Variants in UBP1 observed in about 807,000 individuals in gnomAD.
UBP1 encodes the protein upstream-binding protein 1.
Under a neutral mutation model 76.1 loss-of-function variants are expected in UBP1, and 22 were observed. That is an observed-to-expected ratio of 0.29 (90% confidence interval 0.21 to 0.41). UBP1 has a LOEUF of 0.41. Among genes scored for constraint, UBP1 ranks in the 10% least tolerant of loss-of-function variants. The pLI, the probability that UBP1 is intolerant of heterozygous loss-of-function variation, is 1.00. For synonymous variants in UBP1, 224 were observed against 237.1 expected (o/e 0.94, Z 0.51); for missense variants, 436 against 668.1 (o/e 0.65, Z 3.83).
Position 33,408,758 on chromosome 3 carries a change from CA to C in UBP1, c.858del (p.His286GlnfsTer36). On this transcript the variant is annotated frameshift_variant, in exon 8 of 16. Coordinates refer to ENST00000283629, the MANE Select transcript of UBP1 (RefSeq NM_014517.5). LOFTEE classifies it high-confidence loss of function. Reference protein sequence around the residue: ...LEPIIEDAVEHEQKKSSKRTL... With the variant: ...LEPIIEDAVEXEQKKSSKRTL... ...GTCCGCTTGCTGGACTTTTTCTGCTCATGTTCAACTGCATCTTCAATTATAG... is the reference window on the plus strand; with the variant it reads ...GTCCGCTTGCTGGACTTTTTCTGCTCTGTTCAACTGCATCTTCAATTATAG... 1 of 1,613,990 alleles carries C rather than the reference CA, an allele frequency of 6.2e-7. No homozygotes were observed. The highest frequency in any genetic ancestry group is 8.5e-7 in the Non-Finnish European group (1 of 1,179,958).
chr3:33,407,939 A>T (rs1248555478), intron 8 of UBP1, among the ~76,000 whole-genome samples: 4 of 152,264 alleles, frequency 2.6e-5, no homozygotes, highest in Non-Finnish European at 5.9e-5. Flanking sequence ...ATAGATGAAG[A>T]GTCATGTCAT....
chr3:33,395,612 A>G lies in UBP1; in HGVS notation c.1390+550T>C, dbSNP rs751337262. 1.2e-3 allele frequency among the ~76,000 whole-genome samples: 189 copies of G among 152,122 alleles called. 6 individuals carry two copies. The highest frequency in any genetic ancestry group is 6.5e-4 in the Admixed American group (10 of 15,268). ...TACAGTGACATAAAAACACGGCACC[A>G]GACGCGCCACACAAGGTGCACAATG... On this transcript the variant is annotated intron_variant, in intron 13 of 15. Coordinates refer to ENST00000283629, the MANE Select transcript of UBP1 (RefSeq NM_014517.5).
At position 33,439,774 on chromosome 3, in the gene UBP1, G is replaced by A. The variant is rs1202905876; in HGVS notation, c.75C>T (p.Gly25=). ...LVHDFDASLS[G]IGQELGAGAY... is the part of the protein sequence containing the mutation. Reference sequence around the variant, plus strand: ...CGCCGGCGCCCAGTTCCTGCCCGATGCCCGAGAGGCTGGCGTCGAAGTCGT... The same window carrying A: ...CGCCGGCGCCCAGTTCCTGCCCGATACCCGAGAGGCTGGCGTCGAAGTCGT... The change falls in exon 1 of 16, where the codon GGC becomes GGT. Residue 25 remains glycine (G), a synonymous_variant. Coordinates refer to ENST00000283629, the MANE Select transcript of UBP1 (RefSeq NM_014517.5). The A allele has an allele frequency of 3.7e-6, 6 of 1,612,718 alleles. No homozygotes were observed. The Admixed American group carries it at 6.7e-5, about 18-fold the overall frequency.
chr3:33,413,671 T>C (rs1432694817), intron 3 of UBP1, among the ~76,000 whole-genome samples: 1 of 152,134 alleles, frequency 6.6e-6, no homozygotes, highest in Non-Finnish European at 1.5e-5. Context: ...CTCATGCCTG[T>C]AATCCCAGCA....
intron 8 of UBP1, chr3:33,403,703 C>T (rs1021225846): frequency 7.9e-5 from 12 of 152,150 alleles, no homozygotes; most frequent in African/African-American, 2.7e-4. Context: ...AACAAAGACA[C>T]GGAGATACAC....
intron 9 of UBP1, among the ~76,000 whole-genome samples, chr3:33,401,906 G>A (rs1318376010): frequency 6.6e-6 from 1 of 152,026 alleles, no homozygotes; most frequent in Non-Finnish European, 1.5e-5. Flanking sequence ...CTGGTCCTCT[G>A]GTCACTCCTC....
chr3:33,408,020 G>C (rs1156854672), intron 8 of UBP1, among the ~76,000 whole-genome samples: 1 of 152,156 alleles, frequency 6.6e-6, no homozygotes, highest in Non-Finnish European at 1.5e-5. Context: ...CTGCATATTG[G>C]GGGCGGCCCA....
chr3:33,393,305 GA>G lies in UBP1; in HGVS notation c.1533+6del, dbSNP rs759587307. Reference sequence around the variant, plus strand: ...TCTGAAAAGGAAAAACAAATGATTTGATTTACCTGATCACTAACAAGAATGT... The same window carrying G: ...TCTGAAAAGGAAAAACAAATGATTTGTTTACCTGATCACTAACAAGAATGT... On this transcript the variant is annotated splice_donor_region_variant and intron_variant, in intron 14 of 15. Transcript: ENST00000283629. The G allele has an allele frequency of 6.3e-7, 1 of 1,598,758 alleles. No individual in the cohort carries two copies. The highest frequency in any genetic ancestry group is 1.8e-5 in the Admixed American group (1 of 56,686).
Position 33,412,894 on chromosome 3 carries a change from C to T in UBP1, c.343-67G>A, listed in dbSNP as rs543101614. On this transcript the variant is annotated intron_variant, in intron 3 of 15. Coordinates refer to ENST00000283629, the MANE Select transcript of UBP1 (RefSeq NM_014517.5). The stretch of plus-strand genomic sequence containing the variant: ...CAGCTAAAATGCAGGACCATTTCTA[C>T]TTCTTATGTGTTAACCTGTAGCAGT... 267 of 1,017,232 alleles carry T rather than the reference C, an allele frequency of 2.6e-4. No individual in the cohort carries two copies. In the African/African-American group the frequency reaches 3.7e-3, roughly 14 times the overall value. 63.0% of individuals were successfully genotyped at this position (1,017,232 alleles called of 1,614,324 possible). A position where few individuals can be genotyped will look rare whatever the true frequency, so the allele number is the denominator to read the frequency against.
Position 33,440,333 on chromosome 3 carries a change from C to A in UBP1, c.-485G>T, listed in dbSNP as rs1219226598. On this transcript the variant is annotated 5_prime_UTR_variant, in exon 1 of 16. Transcript: ENST00000283629. ...TCTAGCGCCACACCGCCCCGGCCAA[C>A]CCCGCCGACGCCGCTCTGCCGGCCG... is the stretch of plus-strand genomic sequence containing the variant. 1 of 152,656 alleles carries A rather than the reference C, an allele frequency of 6.6e-6. No homozygotes were observed. Among genetic ancestry groups the A allele is most frequent in the East Asian group, 1.9e-4 (1 of 5,158 alleles). 9.5% of individuals were successfully genotyped at this position (152,656 alleles called of 1,614,324 possible).
intron 8 of UBP1, among the ~76,000 whole-genome samples, chr3:33,405,790 G>GT (rs1215986050): frequency 2.6e-5 from 4 of 152,134 alleles, no homozygotes; most frequent in Non-Finnish European, 4.4e-5. Flanking sequence ...TTTTGAGTAG[G>GT]TAAGTGTCAA....
intron 2 of UBP1, among the ~76,000 whole-genome samples, chr3:33,418,693 T>C (rs961152225): frequency 3.3e-5 from 5 of 151,466 alleles, no homozygotes; most frequent in Admixed American, 6.6e-5. Flanking sequence ...ACCTCATCTC[T>C]ACTAAAAATA....
At chr3:33,421,846 C>T (rs1034465950) in intron 2 of UBP1, among the ~76,000 whole-genome samples, 4 of 151,996 alleles carry the variant, frequency 2.6e-5, no homozygotes, top group Admixed American at 6.5e-5. Context: ...GCCAGGAGTT[C>T]GAGCCTGACC....
intron 2 of UBP1, among the ~76,000 whole-genome samples, chr3:33,422,146 T>C (rs563103022): frequency 2.6e-5 from 4 of 152,236 alleles, no homozygotes; most frequent in Non-Finnish European, 5.9e-5. Context: ...TTACTTTAAA[T>C]TAGCAAGCTT....
chr3:33,425,996 AATAT>A (rs60739079), intron 1 of UBP1, among the ~76,000 whole-genome samples: 2,587 of 54,694 alleles, frequency 0.047, 65 homozygotes, highest in Non-Finnish European at 0.056. Context: ...GGCAGCTCTG[AATAT>A]ATATATATAT....
chr3:33,398,714 G>A (rs1380820214), intron 11 of UBP1, among the ~76,000 whole-genome samples: 1 of 152,196 alleles, frequency 6.6e-6, no homozygotes, highest in African/African-American at 2.4e-5. Flanking sequence ...CACAGCGAAA[G>A]GGATTAAAAC....
At chr3:33,409,881 C>T (rs2044525440) in intron 5 of UBP1, among the ~76,000 whole-genome samples, 2 of 152,204 alleles carry the variant, frequency 1.3e-5, no homozygotes, top group East Asian at 1.9e-4. Flanking sequence ...TACAACACTA[C>T]AGTAGCTTCC....
chr3:33,428,636 G>T (rs903094511), intron 1 of UBP1, among the ~76,000 whole-genome samples: 3 of 151,976 alleles, frequency 2.0e-5, no homozygotes, highest in Admixed American at 6.6e-5. Flanking sequence ...AACATGTAAA[G>T]ATTATTTGCT....
At chr3:33,410,930 A>T (rs529694747) in intron 5 of UBP1, among the ~76,000 whole-genome samples, 2 of 152,114 alleles carry the variant, frequency 1.3e-5, no homozygotes, top group South Asian at 4.1e-4. Context: ...AAAATCAGCC[A>T]GGCATTGTGG....
Sources: gnomAD v4.1 joint callset for allele counts (sites outside exome capture counted in the v4.1 genomes callset) on GRCh38, gnomAD v4.1.1 for gene constraint, MANE v1.5 for transcripts, NCBI Gene and HGNC (gene_info 2026-07-23, HGNC 2026-07-21) for gene names.